ART3: variants seen among roughly 807,000 people sequenced by gnomAD.
The protein encoded by ART3 is ADP-ribosyltransferase 3 (inactive).
A neutral mutation model predicts 48.5 loss-of-function variants in ART3; 49 were observed. That is an observed-to-expected ratio of 1.01 (90% CI 0.80 to 1.28). The LOEUF (loss-of-function observed/expected upper bound fraction) is 1.28. Among genes scored for constraint, ART3 ranks in the 50% most tolerant of loss-of-function variants. The probability of loss-of-function intolerance (pLI) is 0.00; values close to 1 mark genes in which losing one functional copy is unlikely to be tolerated. For synonymous variants in ART3, 145 were observed against 157.2 expected (o/e 0.92, Z 0.58); for missense variants, 438 against 454.3 (o/e 0.96, Z 0.33).
At chr4:76,096,836 C>A (rs1420369494) in intron 3 of ART3, among the ~76,000 whole-genome samples, 6 of 152,204 alleles carry the variant, frequency 3.9e-5, no homozygotes, top group Non-Finnish European at 7.4e-5. Context: ...GCATGCCAAC[C>A]CGTTTTCTTT....
chr4:76,089,581 G>A (rs554046298), intron 3 of ART3, among the ~76,000 whole-genome samples: 17 of 152,204 alleles, frequency 1.1e-4, no homozygotes, highest in South Asian at 2.1e-4. Context: ...ACAGCCTGCC[G>A]AATCATGAGC....
At chr4:76,063,622 A>G (rs561281214) in intron 1 of ART3, among the ~76,000 whole-genome samples, 1 of 152,322 alleles carries the variant, frequency 6.6e-6, no homozygotes, top group South Asian at 2.1e-4. Context: ...TATTCCTTTG[A>G]TGAGAATTTC....
chr4:76,112,353 G>T, intron 11 of ART3, 33 bp from the exon 12 acceptor site: 2 of 1,578,098 alleles, frequency 1.3e-6, no homozygotes, highest in Non-Finnish European at 1.7e-6. Context: ...CATAAAAAAT[G>T]ATGTGTCAGT....
At chr4:76,021,765 T>A in intron 1 of ART3, 1 of 706,524 alleles carries the variant, frequency 1.4e-6, no homozygotes. Context: ...CCTACAGGAG[T>A]AGTAGCAGCT....
rs1386142014 is a variant in ART3 at position 76,097,775 on chromosome 4, G to T, written c.814+99G>T. The stretch of plus-strand genomic sequence containing the variant: ...TACCCCACCACTGTACTGTCGTTCT[G>T]TCAAACATCATTTTCTCAAGGCTAA... On this transcript the variant is annotated intron_variant, in intron 4 of 11. Transcript: ENST00000355810. The T allele has an allele frequency of 4.3e-6, 4 of 935,410 alleles. No homozygotes were observed. In the Admixed American group the frequency reaches 8.4e-5, roughly 20 times the overall value. 57.9% of individuals were successfully genotyped at this position (935,410 alleles called of 1,614,324 possible).
chr4:76,021,748 T>C, intron 1 of ART3: 1 of 669,378 alleles, frequency 1.5e-6, no homozygotes, highest in Non-Finnish European at 2.7e-6. Context: ...TGATGAACAT[T>C]AACCTTCCTA....
At chr4:76,019,365 C>T (rs950182250) in intron 1 of ART3, among the ~76,000 whole-genome samples, 3 of 149,656 alleles carry the variant, frequency 2.0e-5, no homozygotes, top group Non-Finnish European at 4.4e-5. Context: ...TACGTATTTG[C>T]AATTGAATGA....
intron 1 of ART3, among the ~76,000 whole-genome samples, chr4:76,039,306 G>A (rs973112225): frequency 2.0e-5 from 3 of 152,220 alleles, no homozygotes; most frequent in East Asian, 1.9e-4. Context: ...TACCATGTTG[G>A]CCAGGCTGGT....
chr4:76,079,253 A>G (rs1165967947), intron 2 of ART3, among the ~76,000 whole-genome samples: 2 of 151,542 alleles, frequency 1.3e-5, no homozygotes, highest in African/African-American at 4.9e-5. Context: ...AGTGCCTGGC[A>G]TATAGAAAGA....
At chr4:76,068,092 C>G (rs931649886) in intron 1 of ART3, among the ~76,000 whole-genome samples, 8 of 152,148 alleles carry the variant, frequency 5.3e-5, no homozygotes, top group Non-Finnish European at 1.0e-4. Context: ...ACATATATAT[C>G]TGGGGGTACA....
intron 1 of ART3, among the ~76,000 whole-genome samples, chr4:76,039,572 G>A (rs1734758619): frequency 6.6e-6 from 1 of 152,050 alleles, no homozygotes; most frequent in African/African-American, 2.4e-5. Context: ...TAATAACCAT[G>A]AATATAAAAA....
chr4:76,015,704 T>C (rs989130255), intron 1 of ART3, among the ~76,000 whole-genome samples: 4 of 152,196 alleles, frequency 2.6e-5, no homozygotes, highest in East Asian at 3.9e-4. Context: ...ATGATTATGG[T>C]TCACTACAGC....
chr4:76,034,263 C>T, intron 1 of ART3: 1 of 395,654 alleles, frequency 2.5e-6, no homozygotes, highest in Non-Finnish European at 4.5e-6. Context: ...TTTTACGACA[C>T]ATAGATGCTT....
chr4:76,054,379 A>G (rs1718472538), intron 1 of ART3, among the ~76,000 whole-genome samples: 2 of 152,326 alleles, frequency 1.3e-5, no homozygotes, highest in Admixed American at 1.3e-4. Flanking sequence ...AGTTTGAACT[A>G]AGTGTTATTA....
intron 10 of ART3, 41 bp downstream of exon 10, chr4:76,104,670 T>A: frequency 2.6e-6 from 4 of 1,550,438 alleles, no homozygotes; most frequent in Non-Finnish European, 3.5e-6. Flanking sequence ...ACATGCCAGT[T>A]TGGGGAGTAC....
At chr4:76,031,335 A>G (rs1046587608) in intron 1 of ART3, among the ~76,000 whole-genome samples, 2 of 147,906 alleles carry the variant, frequency 1.4e-5, no homozygotes, top group African/African-American at 2.5e-5. Context: ...TTCTAAAAAT[A>G]TAATGAAGAT....
At position 76,085,943 on chromosome 4, in the gene ART3, G is replaced by A. The variant is rs138579635; in HGVS notation, c.781+3408G>A. Among the ~76,000 whole-genome samples the A allele has an allele frequency of 2.5e-3, 375 of 152,074 alleles. 2 individuals are homozygous for A. Among genetic ancestry groups the A allele is most frequent in the African/African-American group, 8.6e-3 (356 of 41,506 alleles). On this transcript the variant is annotated intron_variant, in intron 3 of 11. Transcript: ENST00000355810. ...AAAAATTAGCCAGGCGTGGTGCCAC[G>A]TGCCTGTAATCACAGCTACTTAGGA...
intron 1 of ART3, among the ~76,000 whole-genome samples, chr4:76,063,560 G>A (rs4484324): frequency 0.59 from 89,083 of 151,914 alleles, 26,975 homozygotes; most frequent in East Asian, 0.94. Flanking sequence ...GAATTTTGTT[G>A]AAAAAATTAG....
intron 1 of ART3, among the ~76,000 whole-genome samples, chr4:76,066,459 G>A (rs1031776114): frequency 6.6e-6 from 1 of 152,134 alleles, no homozygotes; most frequent in African/African-American, 2.4e-5. Context: ...GCTTCTCTCT[G>A]CTCGCTGGTC....
Sources: allele counts gnomAD v4.1 joint callset (sites outside exome capture counted in the v4.1 genomes callset), GRCh38; gene constraint gnomAD v4.1.1; transcripts MANE v1.5; gene names NCBI Gene and HGNC (gene_info 2026-07-23, HGNC 2026-07-21).